Variants in FUT9 observed in about 807,000 individuals in gnomAD.
FUT9 encodes 4-galactosyl-N-acetylglucosaminide 3-alpha-L-fucosyltransferase 9.
A neutral mutation model predicts 29.7 loss-of-function variants in FUT9; 15 were observed. The ratio of observed to expected loss-of-function variants is 0.51; its 90% confidence interval spans 0.34 to 0.78. The LOEUF (loss-of-function observed/expected upper bound fraction) is 0.78, where lower values mean the gene tolerates loss of function less well. Among genes scored for constraint, FUT9 ranks in the 30% least tolerant of loss-of-function variants. FUT9 has a pLI of 0.01. For synonymous variants in FUT9, 169 were observed against 153.7 expected, an observed-to-expected ratio of 1.10 and a Z score of -0.74; for missense variants, 319 against 425.4, an observed-to-expected ratio of 0.75 and a Z score of 2.20.
In FUT9 at chr6:96,088,530, T is replaced by G. The variant is rs866110810; in HGVS notation, c.-97-25509T>G. ...CTGTATGATTCTCTGTTTGTTTGTT[T>G]TGTGTGTGTGTGTGTGTGTGTGTGT... is the stretch of plus-strand genomic sequence containing the variant. On this transcript the variant is annotated intron_variant, in intron 1 of 2. Coordinates refer to ENST00000302103, the MANE Select transcript of FUT9 (RefSeq NM_006581.4). 6.9e-3 allele frequency among the ~76,000 whole-genome samples: 1,024 copies of G among 148,816 alleles called. 14 individuals are homozygous for G. The highest frequency in any genetic ancestry group is 0.025 in the African/African-American group (985 of 40,146).
At chr6:96,028,586 T>C (rs1001876457) in intron 1 of FUT9, among the ~76,000 whole-genome samples, 2 of 151,608 alleles carry the variant, frequency 1.3e-5, no homozygotes, top group East Asian at 1.9e-4. Context: ...CACTGTAAAT[T>C]CTAATTCAAT....
At chr6:96,199,492 A>T (rs1773690357) in intron 2 of FUT9, among the ~76,000 whole-genome samples, 2 of 152,140 alleles carry the variant, frequency 1.3e-5, no homozygotes, top group Admixed American at 1.3e-4. Flanking sequence ...GAAAACTGGA[A>T]ACCACACAGT....
intron 1 of FUT9, among the ~76,000 whole-genome samples, chr6:96,032,428 ATAAAG>A (rs942000833): frequency 6.6e-6 from 1 of 151,592 alleles, no homozygotes; most frequent in African/African-American, 2.4e-5. Context: ...TTAACTTTTA[ATAAAG>A]TAAAGGACAC....
chr6:96,072,108 T>C (rs1771073071), intron 1 of FUT9, among the ~76,000 whole-genome samples: 2 of 152,140 alleles, frequency 1.3e-5, no homozygotes, highest in South Asian at 4.1e-4. Context: ...AGAAAAGAAA[T>C]AGGTTCTATT....
At chr6:96,159,917 T>A (rs1165295526) in intron 2 of FUT9, among the ~76,000 whole-genome samples, 1 of 152,192 alleles carries the variant, frequency 6.6e-6, no homozygotes, top group Non-Finnish European at 1.5e-5. Context: ...CCACAGCTAC[T>A]TTCTGCTATT....
At chr6:96,116,550 T>C (rs1771914673) in intron 2 of FUT9, among the ~76,000 whole-genome samples, 1 of 152,204 alleles carries the variant, frequency 6.6e-6, no homozygotes, top group Non-Finnish European at 1.5e-5. Context: ...CTTCAGCTGG[T>C]AAATGAATGA....
chr6:96,186,708 G>A (rs749515655), intron 2 of FUT9, among the ~76,000 whole-genome samples: 1 of 152,112 alleles, frequency 6.6e-6, no homozygotes, highest in Non-Finnish European at 1.5e-5. Context: ...CTGAAACCCA[G>A]ACAACCAATG....
chr6:96,147,782 A>G lies in FUT9; in HGVS notation c.-9+33655A>G, dbSNP rs139576370. ...CAGAGTGCTAACACATCAGTTGATG[A>G]CATCCAGCCATGACGGATTCAGGCT... On this transcript the variant is annotated intron_variant, in intron 2 of 2. Transcript: ENST00000302103. 1.6e-3 allele frequency among the ~76,000 whole-genome samples: 245 copies of G among 151,464 alleles called. 2 individuals carry two copies. The highest frequency in any genetic ancestry group is 5.5e-3 in the African/African-American group (226 of 41,236).
chr6:96,079,149 A>AT (rs1771194494), intron 1 of FUT9, among the ~76,000 whole-genome samples: 1 of 152,036 alleles, frequency 6.6e-6, no homozygotes, highest in Admixed American at 6.6e-5. Context: ...GATATTCAAG[A>AT]TTTTTTCCCT....
chr6:96,143,035 A>G (rs1356677402), intron 2 of FUT9, among the ~76,000 whole-genome samples: 1 of 152,218 alleles, frequency 6.6e-6, no homozygotes, highest in Non-Finnish European at 1.5e-5. Context: ...AAGAGAAATA[A>G]AATCTTAGTG....
At chr6:96,033,763 C>T (rs1770303790) in intron 1 of FUT9, among the ~76,000 whole-genome samples, 1 of 151,660 alleles carries the variant, frequency 6.6e-6, no homozygotes, top group Non-Finnish European at 1.5e-5. Context: ...CATACACACT[C>T]AAATTCAAAC....
intron 2 of FUT9, among the ~76,000 whole-genome samples, chr6:96,130,121 A>G (rs1231580929): frequency 6.6e-6 from 1 of 152,134 alleles, no homozygotes. Flanking sequence ...TTTGGGAGAT[A>G]AATTTTTTAA....
At chr6:96,043,868 C>T (rs1279502845) in intron 1 of FUT9, among the ~76,000 whole-genome samples, 4 of 152,132 alleles carry the variant, frequency 2.6e-5, no homozygotes, top group East Asian at 1.9e-4. Flanking sequence ...CAACACATTG[C>T]TATCTGATCA....
intron 2 of FUT9, among the ~76,000 whole-genome samples, chr6:96,172,494 C>A: frequency 6.6e-6 from 1 of 152,040 alleles, no homozygotes; most frequent in East Asian, 1.9e-4. Flanking sequence ...TGCTACCACA[C>A]TTGAGAGATG....
intron 2 of FUT9, among the ~76,000 whole-genome samples, chr6:96,193,981 C>T (rs1225696942): frequency 6.6e-6 from 1 of 152,098 alleles, no homozygotes; most frequent in East Asian, 1.9e-4. Flanking sequence ...CATGTTCTCA[C>T]TCATAGGTGG....
intron 2 of FUT9, among the ~76,000 whole-genome samples, chr6:96,162,407 C>G (rs1450791643): frequency 1.3e-5 from 2 of 152,148 alleles, no homozygotes; most frequent in Non-Finnish European, 2.9e-5. Flanking sequence ...TCAAAATCCT[C>G]TCTTCTAGGT....
At chr6:96,097,459 C>A (rs1383487927) in intron 1 of FUT9, among the ~76,000 whole-genome samples, 3 of 151,794 alleles carry the variant, frequency 2.0e-5, no homozygotes, top group African/African-American at 7.3e-5. Flanking sequence ...AAAAGCACTG[C>A]AAAGAAGATA....
At chr6:96,017,732 T>TCAA (rs1314882217) in intron 1 of FUT9, among the ~76,000 whole-genome samples, 1 of 152,128 alleles carries the variant, frequency 6.6e-6, no homozygotes, top group Non-Finnish European at 1.5e-5. Context: ...ATGCAGTGTG[T>TCAA]CAATATAAAT....
At chr6:96,085,088 A>AT (rs951587269) in intron 1 of FUT9, among the ~76,000 whole-genome samples, 5 of 152,210 alleles carry the variant, frequency 3.3e-5, no homozygotes, top group South Asian at 2.1e-4. Flanking sequence ...TTTTATTTAA[A>AT]TTTTTTTAAA....
Sources: allele counts gnomAD v4.1 joint callset (sites outside exome capture counted in the v4.1 genomes callset), GRCh38; gene constraint gnomAD v4.1.1; transcripts MANE v1.5; gene names NCBI Gene and HGNC (gene_info 2026-07-23, HGNC 2026-07-21).